WFDC3: variants seen among roughly 807,000 people sequenced by gnomAD.
WFDC3 encodes the protein WAP four-disulfide core domain 3.
In WFDC3, 15 loss-of-function variants were observed where a neutral mutation model predicts 25.8. The ratio of observed to expected loss-of-function variants is 0.58; its 90% CI spans 0.39 to 0.89. The LOEUF (loss-of-function observed/expected upper bound fraction) is 0.89. Ranked by LOEUF, WFDC3 falls within the 40% of genes least tolerant of loss-of-function variation. The pLI is 0.00. For synonymous variants in WFDC3, 103 were observed against 107.1 expected (o/e 0.96, Z 0.24); for missense variants, 264 against 289.8 (o/e 0.91, Z 0.65).
Position 45,774,416 on chromosome 20 carries a change from A to G in WFDC3, c.*12T>C, listed in dbSNP as rs770546290. 1 of 1,614,152 alleles carries G rather than the reference A, an allele frequency of 6.2e-7. No homozygotes were observed. The highest frequency in any genetic ancestry group is 8.5e-7 in the Non-Finnish European group (1 of 1,180,026). On this transcript the variant is annotated 3_prime_UTR_variant, in exon 7 of 7. Transcript: ENST00000243938. ...CAGAATTACCAAAGAAGCTCCAGAC[A>G]AATCAGCACAGCTAGGGCACCGGGA...
chr20:45,788,711 G>A (rs984692189), intron 3 of WFDC3: 8 of 503,662 alleles, frequency 1.6e-5, no homozygotes, highest in Non-Finnish European at 2.3e-5. Context: ...CAAAGTAAAA[G>A]ACATAGATAA....
At chr20:45,781,083 TACA>T (rs1980421000) in intron 4 of WFDC3, among the ~76,000 whole-genome samples, 1 of 67,744 alleles carries the variant, frequency 1.5e-5, no homozygotes. Flanking sequence ...CTACTAAAAA[TACA>T]AAAAAAAAAA....
intron 1 of WFDC3, 163 bp from the exon 2 acceptor site, chr20:45,790,145 G>T (rs1980887964): frequency 3.6e-6 from 2 of 559,890 alleles, no homozygotes; most frequent in Admixed American, 6.4e-5. Context: ...GAAGAAGAGG[G>T]ATTGGCTGCT....
intron 3 of WFDC3, 109 bp downstream of exon 3, chr20:45,788,822 A>G: frequency 6.9e-7 from 1 of 1,446,708 alleles, no homozygotes; most frequent in Non-Finnish European, 9.2e-7. Flanking sequence ...TACTCTAGGC[A>G]AGGGAGACTT....
Position 45,789,876 on chromosome 20 carries a change from T to C in WFDC3, c.82+18A>G, listed in dbSNP as rs1438685726. The stretch of plus-strand genomic sequence containing the variant: ...ACTTTCTGTTACTGTTGGCCAGGGA[T>C]CCCAAATGATAGCTCACCATGTTCT... On this transcript the variant is annotated intron_variant, in intron 2 of 6. Coordinates refer to ENST00000243938, the MANE Select transcript of WFDC3 (RefSeq NM_080614.2). 1.9e-6 allele frequency: 3 copies of C among 1,610,210 alleles called. No individual in the cohort carries two copies. Among genetic ancestry groups the C allele is most frequent in the South Asian group, 1.1e-5 (1 of 91,020 alleles).
chr20:45,788,873 C>T, intron 3 of WFDC3, 58 bp downstream of exon 3: 1 of 1,548,786 alleles, frequency 6.5e-7, no homozygotes, highest in Non-Finnish European at 8.7e-7. Flanking sequence ...CTACTTCCAT[C>T]TATCCCAGAG....
chr20:45,789,202 T>A, intron 2 of WFDC3, 143 bp from the exon 3 acceptor site: 1 of 1,078,450 alleles, frequency 9.3e-7, no homozygotes, highest in Non-Finnish European at 1.2e-6. Flanking sequence ...AGACCCTGTC[T>A]CTTAAAAAAA....
At chr20:45,780,933 C>T (rs1980413177) in intron 4 of WFDC3, among the ~76,000 whole-genome samples, 1 of 152,134 alleles carries the variant, frequency 6.6e-6, no homozygotes, top group Non-Finnish European at 1.5e-5. Context: ...GATATAAGGT[C>T]TCATGCCCTT....
At chr20:45,787,039 A>G (rs1421104244) in intron 4 of WFDC3, among the ~76,000 whole-genome samples, 1 of 142,766 alleles carries the variant, frequency 7.0e-6, no homozygotes, top group Non-Finnish European at 1.5e-5. Flanking sequence ...GGTTGCAGTG[A>G]GCCAAGATCA....
At chr20:45,786,186 G>A (rs1980659772) in intron 4 of WFDC3, among the ~76,000 whole-genome samples, 2 of 152,254 alleles carry the variant, frequency 1.3e-5, no homozygotes, top group South Asian at 2.1e-4. Context: ...GGCCAGGAGT[G>A]TGAGACCAAC....
chr20:45,784,285 C>A (rs983803605), intron 4 of WFDC3, among the ~76,000 whole-genome samples: 1 of 152,216 alleles, frequency 6.6e-6, no homozygotes, highest in Non-Finnish European at 1.5e-5. Context: ...GCTGCCTAAG[C>A]CGGGCACAGA....
chr20:45,783,032 T>C (rs1309590907), intron 4 of WFDC3, among the ~76,000 whole-genome samples: 1 of 149,658 alleles, frequency 6.7e-6, no homozygotes, highest in Non-Finnish European at 1.5e-5. Flanking sequence ...CTTGGGGTTA[T>C]TATGTATTTG....
chr20:45,787,227 G>A (rs1430398190), intron 4 of WFDC3, among the ~76,000 whole-genome samples: 8 of 141,394 alleles, frequency 5.7e-5, no homozygotes, highest in African/African-American at 2.1e-4. Context: ...TTTTTTAACA[G>A]AGAATATTGC....
At position 45,787,926 on chromosome 20, in the gene WFDC3, T is replaced by G; in HGVS notation, c.268A>C (p.Ile90Leu). ...ACACCTGGACATGTCTCATCAGTGA[T>G]GCACCTTTTCAAACAGGATTGTTTC... ...IRKQSCLKRC[I>L]TDETCPGVKK... The change falls in exon 4 of 7, where the codon ATC becomes CTC. Residue 90 changes from isoleucine to leucine, a missense_variant. Transcript: ENST00000243938. 1 of 1,614,082 alleles carries G rather than the reference T, an allele frequency of 6.2e-7. No individual in the cohort carries two copies. The highest frequency in any genetic ancestry group is 1.1e-5 in the South Asian group (1 of 91,068).
intron 1 of WFDC3, among the ~76,000 whole-genome samples, chr20:45,791,534 T>C (rs999680202): frequency 1.3e-5 from 2 of 152,142 alleles, no homozygotes; most frequent in Non-Finnish European, 2.9e-5. Flanking sequence ...TGATGGCAAG[T>C]GATCCTCCCG....
At chr20:45,791,437 C>T (rs1055049610) in intron 1 of WFDC3, among the ~76,000 whole-genome samples, 9 of 151,576 alleles carry the variant, frequency 5.9e-5, no homozygotes, top group African/African-American at 2.2e-4. Context: ...GCTGGGATTA[C>T]AGGTGCCCAC....
chr20:45,785,445 G>A (rs1258961446), intron 4 of WFDC3, among the ~76,000 whole-genome samples: 3 of 148,878 alleles, frequency 2.0e-5, no homozygotes, highest in South Asian at 2.1e-4. Context: ...CTCCTGCCTG[G>A]GCGACAGCCT....
intron 4 of WFDC3, chr20:45,778,910 A>T (rs1658463490): frequency 6.6e-6 from 1 of 152,076 alleles, no homozygotes; most frequent in South Asian, 2.1e-4. Flanking sequence ...CCTTGTTAGC[A>T]TCATGGAGCC....
chr20:45,782,449 C>T (rs537862612), intron 4 of WFDC3, among the ~76,000 whole-genome samples: 2 of 151,802 alleles, frequency 1.3e-5, no homozygotes, highest in Admixed American at 1.3e-4. Context: ...GCGATCTCGG[C>T]TCTCTGCAAC....
Sources: gnomAD v4.1 joint callset for allele counts (sites outside exome capture counted in the v4.1 genomes callset) on GRCh38, gnomAD v4.1.1 for gene constraint, MANE v1.5 for transcripts, NCBI Gene and HGNC (gene_info 2026-07-23, HGNC 2026-07-21) for gene names.